The following CACNG5 variants were observed in gnomAD, a reference collection of about 807,000 sequenced individuals.
CACNG5 encodes the protein calcium voltage-gated channel auxiliary subunit gamma 5, also known as voltage-dependent calcium channel gamma-5 subunit.
In CACNG5, 18 loss-of-function variants were observed where a neutral mutation model predicts 24.8. That is an observed-to-expected ratio of 0.73 (90% confidence interval 0.50 to 1.08). CACNG5 has a LOEUF of 1.08. Among genes scored for constraint, CACNG5 ranks in the 50% least tolerant of loss-of-function variants. The pLI, the probability that CACNG5 is intolerant of heterozygous loss-of-function variation, is 0.00. For missense variants in CACNG5, 349 were observed against 367.9 expected (o/e 0.95, Z 0.42); for synonymous variants, 157 against 149.1 (o/e 1.05, Z -0.39).
chr17:66,865,018 TCCCAAG>T lies in CACNG5; in HGVS notation c.-103-12211_-103-12206del, dbSNP rs1976910949. ...CTCAAGCCATCCTGCTGCCTCAGCC[TCCCAAG>T]TGTTGAGATTACAGGCATGAGCCAC... is the stretch of plus-strand genomic sequence containing the variant. On this transcript the variant is annotated intron_variant, in intron 1 of 5. Coordinates refer to ENST00000533854, the MANE Select transcript of CACNG5 (RefSeq NM_145811.3). Among the ~76,000 whole-genome samples, 4 of 152,322 alleles carry T rather than the reference TCCCAAG, an allele frequency of 2.6e-5. No homozygotes were observed. In the South Asian group the frequency reaches 8.3e-4, roughly 32 times the overall value.
chr17:66,883,814 C>G (rs1977201448), intron 4 of CACNG5, among the ~76,000 whole-genome samples: 1 of 152,216 alleles, frequency 6.6e-6, no homozygotes, highest in Non-Finnish European at 1.5e-5. Flanking sequence ...AAGCCACTTT[C>G]TAGCTCAGTG....
At chr17:66,884,931 G>A in intron 5 of CACNG5, 52 bp from the exon 6 acceptor site, 2 of 1,614,070 alleles carry the variant, frequency 1.2e-6, no homozygotes, top group Non-Finnish European at 1.7e-6. Context: ...AGCCAAGGGA[G>A]ATGAGGCAGG....
chr17:66,859,989 C>G (rs534604273), intron 1 of CACNG5, among the ~76,000 whole-genome samples: 14 of 152,294 alleles, frequency 9.2e-5, no homozygotes, highest in African/African-American at 2.9e-4. Context: ...GGACTTGAAT[C>G]TTTAGCTCAC....
rs374343715 is a variant in CACNG5, at chr17:66,885,478, C to T, written c.*238C>T. The T allele has an allele frequency of 1.3e-3, 682 of 520,674 alleles. 5 individuals are homozygous for T. In the Middle Eastern group the frequency reaches 0.013, roughly 10 times the overall value. The allele number at this position is 520,674 out of a possible 1,614,324, so 32.3% of individuals were successfully genotyped here. A position where few individuals can be genotyped will look rare whatever the true frequency, so the allele number is the denominator to read the frequency against. On this transcript the variant is annotated 3_prime_UTR_variant, in exon 6 of 6. Coordinates refer to ENST00000533854, the MANE Select transcript of CACNG5 (RefSeq NM_145811.3). Reference sequence around the variant, plus strand: ...TTGTCTGGGAACATGGGAGAAGCCCCGCCCATGTGAGTGCCAATCACAGCA... The same window carrying T: ...TTGTCTGGGAACATGGGAGAAGCCCTGCCCATGTGAGTGCCAATCACAGCA...
intron 1 of CACNG5, among the ~76,000 whole-genome samples, chr17:66,862,338 G>A (rs1017004800): frequency 7.9e-5 from 12 of 151,914 alleles, no homozygotes; most frequent in Admixed American, 3.9e-4. Context: ...GGCTACACAC[G>A]CCCAGCTATG....
At chr17:66,846,530 T>C (rs1017427489) in intron 1 of CACNG5, among the ~76,000 whole-genome samples, 1 of 152,220 alleles carries the variant, frequency 6.6e-6, no homozygotes, top group Non-Finnish European at 1.5e-5. Context: ...CATAATGTTT[T>C]CAAGGTTCAT....
chr17:66,857,639 T>G (rs1427866453), intron 1 of CACNG5, among the ~76,000 whole-genome samples: 2 of 152,172 alleles, frequency 1.3e-5, no homozygotes, highest in Non-Finnish European at 2.9e-5. Flanking sequence ...TTACCACGTT[T>G]CCAGTGCCCA....
In CACNG5 at chr17:66,862,744, A is replaced by G. The variant is rs1976881424; in HGVS notation, c.-103-14486A>G. On this transcript the variant is annotated intron_variant, in intron 1 of 5. Coordinates refer to ENST00000533854, the MANE Select transcript of CACNG5 (RefSeq NM_145811.3). The stretch of plus-strand genomic sequence containing the variant: ...GCATGATTTTCTCAATATAGCCGTA[A>G]AGTACATTCATAGCTATGGAATTAC... Among the ~76,000 whole-genome samples, 4 of 146,864 alleles carry G rather than the reference A, an allele frequency of 2.7e-5. No homozygotes were observed. In the Admixed American group the frequency reaches 2.9e-4, roughly 10 times the overall value.
At chr17:66,871,558 T>C (rs1285799286) in intron 1 of CACNG5, among the ~76,000 whole-genome samples, 1 of 152,198 alleles carries the variant, frequency 6.6e-6, no homozygotes, top group African/African-American at 2.4e-5. Context: ...CATTAATGAT[T>C]TAATCTCCAC....
At chr17:66,867,411 T>G (rs1186513379) in intron 1 of CACNG5, among the ~76,000 whole-genome samples, 1 of 152,244 alleles carries the variant, frequency 6.6e-6, no homozygotes, top group Non-Finnish European at 1.5e-5. Context: ...TTTCTCCCAT[T>G]CTGTTGGCTG....
intron 1 of CACNG5, among the ~76,000 whole-genome samples, chr17:66,835,651 C>T (rs1167618827): frequency 6.6e-6 from 1 of 152,192 alleles, no homozygotes; most frequent in Non-Finnish European, 1.5e-5. Context: ...ACCTGTTGAG[C>T]TGGGCTGTCG....
rs893662946 is a variant in CACNG5, at chr17:66,889,779, C to T, written c.*4539C>T. On this transcript the variant is annotated 3_prime_UTR_variant, in exon 6 of 6. Transcript: ENST00000533854. ...GACGTTAGAAAAGGTAATTGCTTTACTCAGTGTCCACTGATTTAAATGTTA... is the reference window on the plus strand; with the variant it reads ...GACGTTAGAAAAGGTAATTGCTTTATTCAGTGTCCACTGATTTAAATGTTA... Among the ~76,000 whole-genome samples the T allele has an allele frequency of 6.6e-6, 1 of 152,228 alleles. No individual in the cohort carries two copies. Among genetic ancestry groups the T allele is most frequent in the African/African-American group, 2.4e-5 (1 of 41,468 alleles).
At chr17:66,836,052 C>T (rs994415519) in intron 1 of CACNG5, among the ~76,000 whole-genome samples, 4 of 152,290 alleles carry the variant, frequency 2.6e-5, no homozygotes, top group Admixed American at 2.0e-4. Flanking sequence ...AGAAATAATT[C>T]CGGGAGCCTG....
rs1977044087 is a variant in CACNG5 at position 66,873,970 on chromosome 17, C to T, written c.-103-3260C>T. Among the ~76,000 whole-genome samples the T allele has an allele frequency of 3.4e-5, 5 of 146,150 alleles. No individual in the cohort carries two copies. In the South Asian group the frequency reaches 6.6e-4, roughly 19 times the overall value. On this transcript the variant is annotated intron_variant, in intron 1 of 5. Transcript: ENST00000533854. ...TTTTTTTTCCTTTTAACCAGAGTCACTTTTTCTAGAATATTCCATGGAATT... is the reference window on the plus strand; with the variant it reads ...TTTTTTTTCCTTTTAACCAGAGTCATTTTTTCTAGAATATTCCATGGAATT...
chr17:66,875,077 T>C (rs1977057120), intron 1 of CACNG5, among the ~76,000 whole-genome samples: 1 of 152,208 alleles, frequency 6.6e-6, no homozygotes. Context: ...CTGCCTGTTA[T>C]GATGCTACCC....
chr17:66,852,358 G>A (rs1014272213), intron 1 of CACNG5, among the ~76,000 whole-genome samples: 1 of 152,144 alleles, frequency 6.6e-6, no homozygotes, highest in African/African-American at 2.4e-5. Flanking sequence ...CCATAATCAT[G>A]TGAGCCAATT....
At chr17:66,870,905 G>A (rs1378778271) in intron 1 of CACNG5, among the ~76,000 whole-genome samples, 1 of 151,936 alleles carries the variant, frequency 6.6e-6, no homozygotes, top group East Asian at 1.9e-4. Context: ...GCTTGAACCT[G>A]GGAGGCAGAG....
At chr17:66,857,065 G>GTTTTTTT (rs56153121) in intron 1 of CACNG5, among the ~76,000 whole-genome samples, 91 of 94,030 alleles carry the variant, frequency 9.7e-4, no homozygotes, top group Non-Finnish European at 1.2e-3. Flanking sequence ...CAATTTTTAA[G>GTTTTTTT]TTTTTTTTTT....
intron 1 of CACNG5, among the ~76,000 whole-genome samples, chr17:66,875,758 C>A (rs1226503408): frequency 6.6e-6 from 1 of 152,198 alleles, no homozygotes; most frequent in African/African-American, 2.4e-5. Flanking sequence ...TCACTAACAT[C>A]CAGTTTCAAA....
Sources: allele counts gnomAD v4.1 joint callset (sites outside exome capture counted in the v4.1 genomes callset), GRCh38; gene constraint gnomAD v4.1.1; transcripts MANE v1.5; gene names NCBI Gene and HGNC (gene_info 2026-07-23, HGNC 2026-07-21).